The following CPNE5 variants were observed in gnomAD, a reference collection of about 807,000 sequenced individuals.
The protein encoded by CPNE5 is copine-5.
In CPNE5, 42 loss-of-function variants were observed where a neutral mutation model predicts 81.1. That is an observed-to-expected ratio of 0.52 (90% CI 0.40 to 0.67). The LOEUF (loss-of-function observed/expected upper bound fraction) is 0.67. CPNE5 is among the 30% of genes least tolerant of loss of function. The probability of loss-of-function intolerance (pLI) is 0.00; values close to 1 mark genes in which losing one functional copy is unlikely to be tolerated. For missense variants in CPNE5, 612 were observed against 815.5 expected (o/e 0.75, Z 3.04); for synonymous variants, 313 against 321.5 (o/e 0.97, Z 0.28).
At chr6:36,822,781 G>A (rs1019360760) in intron 2 of CPNE5, among the ~76,000 whole-genome samples, 1 of 152,126 alleles carries the variant, frequency 6.6e-6, no homozygotes, top group African/African-American at 2.4e-5. Flanking sequence ...GAGCTCTTAG[G>A]CCTACTGGTT....
intron 12 of CPNE5, among the ~76,000 whole-genome samples, chr6:36,758,606 C>T (rs961103628): frequency 2.0e-4 from 30 of 152,128 alleles, no homozygotes; most frequent in Admixed American, 1.8e-3. Flanking sequence ...TAAGTCCATG[C>T]GAGAGGTCAT....
At chr6:36,818,389 AT>A (rs1018808257) in intron 3 of CPNE5, among the ~76,000 whole-genome samples, 6 of 152,042 alleles carry the variant, frequency 3.9e-5, no homozygotes, top group Admixed American at 3.9e-4. Flanking sequence ...CAATTCACAC[AT>A]TTGGTGATGC....
At chr6:36,770,660 C>A (rs1457494178) in intron 10 of CPNE5, among the ~76,000 whole-genome samples, 1 of 152,058 alleles carries the variant, frequency 6.6e-6, no homozygotes, top group Non-Finnish European at 1.5e-5. Flanking sequence ...CCCACAGGGC[C>A]TCTCAGGGCA....
intron 3 of CPNE5, among the ~76,000 whole-genome samples, chr6:36,812,264 C>T (rs1162096767): frequency 1.3e-5 from 2 of 152,192 alleles, no homozygotes; most frequent in African/African-American, 4.8e-5. Flanking sequence ...TCTGCTTCCT[C>T]ATCTGGGTGT....
At chr6:36,751,053 TG>T (rs1443850027) in intron 14 of CPNE5, among the ~76,000 whole-genome samples, 1 of 152,122 alleles carries the variant, frequency 6.6e-6, no homozygotes, top group Non-Finnish European at 1.5e-5. Flanking sequence ...GGTGGGCAGG[TG>T]AGGGAGGCCA....
At chr6:36,818,485 G>A (rs1011373459) in intron 3 of CPNE5, among the ~76,000 whole-genome samples, 2 of 152,128 alleles carry the variant, frequency 1.3e-5, no homozygotes, top group Admixed American at 1.3e-4. Context: ...ACTGAGATGG[G>A]AAGAGTGACC....
chr6:36,757,230 C>T, intron 12 of CPNE5: 1 of 667,638 alleles, frequency 1.5e-6, no homozygotes, highest in Non-Finnish European at 1.9e-6. Context: ...TAAGGGAAGT[C>T]TAGGCACAAC....
chr6:36,821,272 G>A (rs527792644), intron 3 of CPNE5, among the ~76,000 whole-genome samples: 6 of 151,018 alleles, frequency 4.0e-5, no homozygotes, highest in African/African-American at 7.3e-5. Context: ...GGGGCCCAGC[G>A]TCAGGAGATT....
chr6:36,762,821 C>T, intron 12 of CPNE5, 96 bp downstream of exon 12: 2 of 981,680 alleles, frequency 2.0e-6, no homozygotes, highest in Admixed American at 3.7e-5. Flanking sequence ...CACAGGAAAA[C>T]ACACCAAGCC....
intron 15 of CPNE5, among the ~76,000 whole-genome samples, chr6:36,747,533 G>A (rs1333277430): frequency 1.3e-5 from 2 of 152,166 alleles, no homozygotes; most frequent in South Asian, 2.1e-4. Context: ...GCCCCTTCCA[G>A]CTCTGATAGC....
At chr6:36,806,378 C>T (rs1326242314) in intron 3 of CPNE5, among the ~76,000 whole-genome samples, 1 of 152,134 alleles carries the variant, frequency 6.6e-6, no homozygotes, top group Non-Finnish European at 1.5e-5. Flanking sequence ...CACTCCTGCC[C>T]AGCCTCAGCT....
At chr6:36,784,132 C>T (rs183641231) in intron 8 of CPNE5, among the ~76,000 whole-genome samples, 44 of 152,352 alleles carry the variant, frequency 2.9e-4, no homozygotes, top group Non-Finnish European at 4.9e-4. Flanking sequence ...AACACTTTCT[C>T]CCTCTAACCC....
At chr6:36,814,523 G>A (rs938155564) in intron 3 of CPNE5, among the ~76,000 whole-genome samples, 1 of 152,222 alleles carries the variant, frequency 6.6e-6, no homozygotes, top group African/African-American at 2.4e-5. Context: ...AACTCAGTAC[G>A]AATTAAGTCA....
chr6:36,743,595 C>T (rs1200195219), intron 20 of CPNE5, 94 bp downstream of exon 20: 2 of 1,233,094 alleles, frequency 1.6e-6, no homozygotes, highest in Non-Finnish European at 1.2e-6. Flanking sequence ...CCTTCTGGGC[C>T]CTTCACCAGG....
intron 1 of CPNE5, among the ~76,000 whole-genome samples, chr6:36,834,655 C>CAA (rs764110245): frequency 3.7e-4 from 47 of 126,572 alleles, no homozygotes; most frequent in South Asian, 1.0e-3. Flanking sequence ...GACTCCATCT[C>CAA]AAAAAAAAAA....
intron 1 of CPNE5, chr6:36,827,872 A>T (rs866984036): frequency 4.5e-5 from 13 of 287,392 alleles, no homozygotes; most frequent in African/African-American, 2.5e-4. Context: ...GGAAAAACGT[A>T]TTTTTTTTTT....
intron 20 of CPNE5, chr6:36,743,213 C>T: frequency 1.0e-6 from 1 of 985,420 alleles, no homozygotes; most frequent in Non-Finnish European, 1.2e-6. Context: ...GTGCATTCTT[C>T]CACGTGAGAC....
chr6:36,819,094 TTTTTTGTTTTTG>T (rs1012536623), intron 3 of CPNE5, among the ~76,000 whole-genome samples: 10 of 152,204 alleles, frequency 6.6e-5, no homozygotes, highest in African/African-American at 9.7e-5. Flanking sequence ...TTCTCACATT[TTTTTTGTTTTTG>T]TTTTTGTTTT....
intron 10 of CPNE5, among the ~76,000 whole-genome samples, chr6:36,773,187 G>C (rs1478395390): frequency 2.0e-5 from 3 of 152,132 alleles, no homozygotes; most frequent in African/African-American, 7.2e-5. Flanking sequence ...CCAGGTGTCT[G>C]TTTCGACACC....
Sources: allele counts gnomAD v4.1 joint callset (sites outside exome capture counted in the v4.1 genomes callset), GRCh38; gene constraint gnomAD v4.1.1; transcripts MANE v1.5; gene names NCBI Gene and HGNC (gene_info 2026-07-23, HGNC 2026-07-21).